CMC1: variants seen among roughly 807,000 people sequenced by gnomAD.
The protein encoded by CMC1 is COX assembly mitochondrial protein homolog.
In CMC1, 14 loss-of-function variants were observed where a neutral mutation model predicts 14.1. That is an observed-to-expected ratio of 0.99 (90% CI 0.66 to 1.55). The LOEUF (loss-of-function observed/expected upper bound fraction) is 1.55. Among genes scored for constraint, CMC1 ranks in the 40% most tolerant of loss-of-function variants. CMC1 has a pLI of 0.00. For missense variants in CMC1, 127 were observed against 123.8 expected (o/e 1.03, Z -0.12); for synonymous variants, 50 against 38.4 (o/e 1.30, Z -1.12).
chr3:28,279,458 A>G (rs545002498), intron 2 of CMC1, among the ~76,000 whole-genome samples: 1 of 152,372 alleles, frequency 6.6e-6, no homozygotes, highest in South Asian at 2.1e-4. Context: ...ACAAGAAGAC[A>G]TGAACCATTC....
rs551711319 is a variant in CMC1, at chr3:28,256,010, A to G, written c.20-7281A>G. 2.0e-5 allele frequency among the ~76,000 whole-genome samples: 3 copies of G among 152,252 alleles called. No homozygotes were observed. The East Asian group carries it at 5.8e-4, about 29-fold the overall frequency. ...TAGTAAAAAGCCCTTACAAAATTGAAACAATAGTTACAATTCTCTTTGTGC... is the reference window on the plus strand; with the variant it reads ...TAGTAAAAAGCCCTTACAAAATTGAGACAATAGTTACAATTCTCTTTGTGC... On this transcript the variant is annotated intron_variant, in intron 1 of 3. Transcript: ENST00000466830.
intron 2 of CMC1, chr3:28,294,475 T>C: frequency 3.1e-6 from 3 of 978,248 alleles, no homozygotes; most frequent in Non-Finnish European, 3.6e-6. Context: ...GTTAGATGGA[T>C]TTGGGAGAAT....
intron 2 of CMC1, chr3:28,291,839 G>C (rs556458202): frequency 6.6e-6 from 1 of 152,124 alleles, no homozygotes; most frequent in African/African-American, 2.4e-5. Flanking sequence ...TAGCCTTCAG[G>C]AATGTTTCCT....
At chr3:28,304,503 A>G (rs2125584349) in intron 2 of CMC1, among the ~76,000 whole-genome samples, 1 of 152,256 alleles carries the variant, frequency 6.6e-6, no homozygotes, top group Non-Finnish European at 1.5e-5. Flanking sequence ...AATTATGTGA[A>G]TCTAAGGTAT....
At chr3:28,246,087 G>A (rs896840688) in intron 1 of CMC1, among the ~76,000 whole-genome samples, 4 of 151,662 alleles carry the variant, frequency 2.6e-5, no homozygotes, top group African/African-American at 9.7e-5. Context: ...ATAGGCATAA[G>A]CCACCCTGCC....
At chr3:28,293,384 T>C (rs777644391) in intron 2 of CMC1, among the ~76,000 whole-genome samples, 3 of 151,718 alleles carry the variant, frequency 2.0e-5, no homozygotes, top group Non-Finnish European at 4.4e-5. Flanking sequence ...AACTTGGTAA[T>C]TGAAGAGAAA....
rs71087685 is a variant in CMC1, at chr3:28,305,779, A to ATTTTTTTTTT, written c.110-10532_110-10523dup. Among the ~76,000 whole-genome samples the ATTTTTTTTTT allele has an allele frequency of 6.7e-4, 29 of 43,570 alleles. 1 individual carries two copies. The highest frequency in any genetic ancestry group is 2.9e-3 in the African/African-American group (26 of 8,994). The allele number at this position is 43,570 out of a possible 152,430, so 28.6% of individuals were successfully genotyped here. On this transcript the variant is annotated intron_variant, in intron 2 of 3. Coordinates refer to ENST00000466830, the MANE Select transcript of CMC1 (RefSeq NM_182523.2). ...GTGTCCAGAAGAGTTTTTCATAGGA[A>ATTTTTTTTTT]TTTTTTTTTTTTTTTTTTTTTTTTT...
rs758093829 is a variant in CMC1, at chr3:28,324,107, A to G, written c.*4478A>G. 6.2e-7 allele frequency: 1 copy of G among 1,610,254 alleles called. No individual in the cohort carries two copies. The highest frequency in any genetic ancestry group is 1.1e-5 in the South Asian group (1 of 90,940). ...TAATGCAGTGGTGGAAGGTTGGGTA[A>G]AGGCAAAGTTTTAGTTTTAGTTTCC... is the stretch of plus-strand genomic sequence containing the variant. On this transcript the variant is annotated 3_prime_UTR_variant, in exon 4 of 4. Transcript: ENST00000466830.
At chr3:28,263,712 A>G (rs1699850693) in intron 2 of CMC1, among the ~76,000 whole-genome samples, 1 of 152,168 alleles carries the variant, frequency 6.6e-6, no homozygotes. Flanking sequence ...GAAACATCAA[A>G]TCTAACATAT....
chr3:28,308,873 C>T (rs1376804476), intron 2 of CMC1, among the ~76,000 whole-genome samples: 1 of 152,040 alleles, frequency 6.6e-6, no homozygotes, highest in African/African-American at 2.4e-5. Context: ...GTCCCAGCTA[C>T]TCGGGAGGCT....
rs1225548299 is a variant in CMC1 at position 28,323,417 on chromosome 3, T to A, written c.*3788T>A. 6.6e-6 allele frequency: 1 copy of A among 150,658 alleles called. No homozygotes were observed. The highest frequency in any genetic ancestry group is 3.4e-3 in the Middle Eastern group (1 of 294). The allele number at this position is 150,658 out of a possible 1,614,324, so 9.3% of individuals were successfully genotyped here. On this transcript the variant is annotated 3_prime_UTR_variant, in exon 4 of 4. Transcript: ENST00000466830. The stretch of plus-strand genomic sequence containing the variant: ...TGTGCTGGGACAAAGTTGGCTTCAG[T>A]GATCAGGTTGTTTCAAGTCTTAGAA...
In CMC1 at chr3:28,314,534, T is replaced by G. The variant is rs1450713899; in HGVS notation, c.110-1799T>G. Among the ~76,000 whole-genome samples the G allele has an allele frequency of 2.6e-5, 4 of 152,252 alleles. No homozygotes were observed. The South Asian group carries it at 8.3e-4, about 31-fold the overall frequency. On this transcript the variant is annotated intron_variant, in intron 2 of 3. Transcript: ENST00000466830. ...ATGAGAGAGCAAATGTTGGGACTGC[T>G]GAGACTAGTGAAGCAGAAGCCAAAG...
intron 2 of CMC1, among the ~76,000 whole-genome samples, chr3:28,303,432 A>G (rs77047792): frequency 0.026 from 3,898 of 152,226 alleles, 74 homozygotes; most frequent in Non-Finnish European, 0.039. Context: ...ATTCTAATCA[A>G]CTGAGATAAT....
intron 2 of CMC1, among the ~76,000 whole-genome samples, chr3:28,284,424 T>C (rs929084442): frequency 2.0e-5 from 3 of 152,188 alleles, no homozygotes; most frequent in African/African-American, 7.2e-5. Flanking sequence ...TCAGTGATCC[T>C]CAAACGTTCA....
Position 28,251,547 on chromosome 3 carries a change from T to C in CMC1, c.19+9735T>C, listed in dbSNP as rs561876155. On this transcript the variant is annotated intron_variant, in intron 1 of 3. Coordinates refer to ENST00000466830, the MANE Select transcript of CMC1 (RefSeq NM_182523.2). The stretch of plus-strand genomic sequence containing the variant: ...TATTGCTCCCACCCCAAAAAAGTTA[T>C]ATTATGGAACTGGTTTTCATGTTTA... 3.3e-5 allele frequency among the ~76,000 whole-genome samples: 5 copies of C among 152,302 alleles called. No homozygotes were observed. In the South Asian group the frequency reaches 6.2e-4, roughly 19 times the overall value.
chr3:28,278,963 A>G (rs1012427273), intron 2 of CMC1, among the ~76,000 whole-genome samples: 3 of 152,206 alleles, frequency 2.0e-5, no homozygotes, highest in Admixed American at 1.3e-4. Flanking sequence ...ATTACTTTAT[A>G]TTACCTAAAC....
chr3:28,256,065 A>C (rs1699389425), intron 1 of CMC1, among the ~76,000 whole-genome samples: 1 of 152,122 alleles, frequency 6.6e-6, no homozygotes, highest in East Asian at 1.9e-4. Flanking sequence ...ACACATACAT[A>C]CACCAAAACG....
intron 2 of CMC1, among the ~76,000 whole-genome samples, chr3:28,297,344 G>A (rs911993785): frequency 6.6e-6 from 1 of 152,040 alleles, no homozygotes; most frequent in African/African-American, 2.4e-5. Flanking sequence ...CTGAATCCCT[G>A]TTGAAATGTA....
intron 2 of CMC1, among the ~76,000 whole-genome samples, chr3:28,274,212 G>GTTTTTTTTTTGTTTT (rs376321066): frequency 1.1e-5 from 1 of 88,198 alleles, no homozygotes; most frequent in Non-Finnish European, 2.2e-5. Flanking sequence ...AAGTGTTTTT[G>GTTTTTTTTTTGTTTT]TTTTTTTCTT....
Sources: allele counts gnomAD v4.1 joint callset (sites outside exome capture counted in the v4.1 genomes callset), GRCh38; gene constraint gnomAD v4.1.1; transcripts MANE v1.5; gene names NCBI Gene and HGNC (gene_info 2026-07-23, HGNC 2026-07-21).